The following RALGAPA1 variants were observed in gnomAD, a reference collection of about 807,000 sequenced individuals.
The protein encoded by RALGAPA1 is ral GTPase-activating protein subunit alpha-1.
Under a neutral mutation model 269.6 loss-of-function variants are expected in RALGAPA1, and 52 were observed. That is an observed-to-expected ratio of 0.19 (90% CI 0.15 to 0.24). The LOEUF (loss-of-function observed/expected upper bound fraction) is 0.24. Among genes scored for constraint, RALGAPA1 ranks in the 10% least tolerant of loss-of-function variants. RALGAPA1 has a pLI of 1.00. For synonymous variants in RALGAPA1, 817 were observed against 1,008.3 expected (o/e 0.81, Z 3.60); for missense variants, 1,917 against 3,013.9 (o/e 0.64, Z 8.52).
At position 35,742,403 on chromosome 14, in the gene RALGAPA1, C is replaced by T. The variant is rs2071642990; in HGVS notation, c.1414G>A (p.Asp472Asn). 1.2e-6 allele frequency: 2 copies of T among 1,602,458 alleles called. No homozygotes were observed. The highest frequency in any genetic ancestry group is 3.4e-5 in the Admixed American group (2 of 58,672). ...TTTTCTCCTTCTTCCATTGAAATATCATGGTCTGTGACATTTTCAATGCAA... is the reference window on the plus strand; with the variant it reads ...TTTTCTCCTTCTTCCATTGAAATATTATGGTCTGTGACATTTTCAATGCAA... ...LPCIENVTDHDISMEEGEKRE... is the reference protein window; with the variant it reads ...LPCIENVTDHNISMEEGEKRE... Residue 472 changes from aspartate to asparagine, a missense_variant, in exon 11 of 42, where the codon GAT becomes AAT. Around this residue, in one of 11 missense-constraint regions of RALGAPA1, gnomAD observed 462 missense variants for 725.6 expected, o/e 0.64. Coordinates refer to ENST00000680220, the MANE Select transcript of RALGAPA1 (RefSeq NM_001346249.2).
chr14:35,668,481 T>C (rs999967995), intron 26 of RALGAPA1, among the ~76,000 whole-genome samples: 1 of 146,406 alleles, frequency 6.8e-6, no homozygotes, highest in Non-Finnish European at 1.5e-5. Flanking sequence ...AGATTTTGTC[T>C]CAAAAAAAAA....
At chr14:35,661,793 T>C (rs2063553332) in intron 27 of RALGAPA1, among the ~76,000 whole-genome samples, 1 of 152,184 alleles carries the variant, frequency 6.6e-6, no homozygotes, top group South Asian at 2.1e-4. Context: ...CTATGTAATA[T>C]AGTCTGTCTT....
At chr14:35,547,962 AATTT>A (rs977056039) in intron 41 of RALGAPA1, among the ~76,000 whole-genome samples, 2 of 151,418 alleles carry the variant, frequency 1.3e-5, no homozygotes, top group African/African-American at 2.4e-5. Context: ...GTGCCTTTTG[AATTT>A]ATTTAATATA....
At chr14:35,674,916 T>C (rs534794116) in intron 22 of RALGAPA1, among the ~76,000 whole-genome samples, 2 of 152,312 alleles carry the variant, frequency 1.3e-5, no homozygotes, top group South Asian at 2.1e-4. Flanking sequence ...TTATGTTAAC[T>C]AGCTATTCAA....
intron 14 of RALGAPA1, among the ~76,000 whole-genome samples, chr14:35,724,290 A>G (rs1284624760): frequency 6.6e-6 from 1 of 152,198 alleles, no homozygotes; most frequent in Non-Finnish European, 1.5e-5. Context: ...AATTTTAGGT[A>G]AATGGCTAAT....
intron 18 of RALGAPA1, among the ~76,000 whole-genome samples, chr14:35,688,258 C>A (rs1567007155): frequency 6.6e-6 from 1 of 152,202 alleles, no homozygotes; most frequent in Non-Finnish European, 1.5e-5. Context: ...TAACTAAATG[C>A]CTTATAAGGG....
intron 41 of RALGAPA1, chr14:35,542,148 C>CA (rs2138989067): frequency 2.1e-6 from 1 of 468,496 alleles, no homozygotes; most frequent in African/African-American, 2.1e-5. Flanking sequence ...CCTAATCACT[C>CA]AGACATAAAA....
intron 39 of RALGAPA1, among the ~76,000 whole-genome samples, chr14:35,565,940 A>C (rs2056659453): frequency 6.6e-6 from 1 of 152,162 alleles, no homozygotes; most frequent in South Asian, 2.1e-4. Context: ...TTCCCACTGA[A>C]AAAACAGAAA....
intron 35 of RALGAPA1, 50 bp from the exon 36 acceptor site, chr14:35,605,759 C>T: frequency 6.3e-7 from 1 of 1,578,560 alleles, no homozygotes; most frequent in Non-Finnish European, 8.6e-7. Flanking sequence ...TTTATCTACT[C>T]ATTCATCCAA....
At chr14:35,544,416 G>A (rs560661338) in intron 41 of RALGAPA1, among the ~76,000 whole-genome samples, 1 of 152,286 alleles carries the variant, frequency 6.6e-6, no homozygotes, top group Admixed American at 6.5e-5. Context: ...TGAAATACTA[G>A]CTTGACAAAG....
At chr14:35,639,068 C>A (rs1462480309) in intron 31 of RALGAPA1, among the ~76,000 whole-genome samples, 2 of 151,982 alleles carry the variant, frequency 1.3e-5, no homozygotes, top group East Asian at 3.9e-4. Flanking sequence ...CACACTTTGC[C>A]TATAAAGACA....
chr14:35,593,294 A>G (rs969936404), intron 37 of RALGAPA1, among the ~76,000 whole-genome samples: 1 of 152,226 alleles, frequency 6.6e-6, no homozygotes, highest in Admixed American at 6.5e-5. Flanking sequence ...GAGGTGAAAG[A>G]TTTATACTCT....
intron 1 of RALGAPA1, among the ~76,000 whole-genome samples, chr14:35,779,164 A>G (rs1278070477): frequency 1.3e-5 from 2 of 152,216 alleles, no homozygotes; most frequent in Non-Finnish European, 2.9e-5. Context: ...AGCACATACA[A>G]CTGAAATAAA....
intron 28 of RALGAPA1, among the ~76,000 whole-genome samples, chr14:35,657,689 A>ATT (rs34883632): frequency 9.6e-5 from 14 of 145,264 alleles, no homozygotes; most frequent in East Asian, 7.9e-4. Flanking sequence ...ATATATATAT[A>ATT]TTTTTTTTTT....
At chr14:35,789,286 T>G (rs977052548) in intron 1 of RALGAPA1, among the ~76,000 whole-genome samples, 2 of 151,786 alleles carry the variant, frequency 1.3e-5, no homozygotes, top group Non-Finnish European at 2.9e-5. Context: ...GGATCTAGAA[T>G]GCACCCTCCT....
At chr14:35,781,621 C>T (rs766416512) in intron 1 of RALGAPA1, among the ~76,000 whole-genome samples, 1 of 152,130 alleles carries the variant, frequency 6.6e-6, no homozygotes, top group South Asian at 2.1e-4. Flanking sequence ...CACACACATA[C>T]ACACACACTC....
intron 22 of RALGAPA1, among the ~76,000 whole-genome samples, chr14:35,675,805 G>A (rs534734013): frequency 2.0e-5 from 3 of 152,156 alleles, no homozygotes; most frequent in East Asian, 3.9e-4. Context: ...AAGAACTTTG[G>A]GAACTAAAAA....
At chr14:35,656,430 A>G (rs1309338816) in intron 28 of RALGAPA1, among the ~76,000 whole-genome samples, 2 of 152,318 alleles carry the variant, frequency 1.3e-5, no homozygotes, top group Non-Finnish European at 2.9e-5. Context: ...AACTTGTAGA[A>G]TTTTTATCCT....
rs377078491 is a variant in RALGAPA1 at position 35,773,585 on chromosome 14, G to A, written c.267+1421C>T. 3.7e-4 allele frequency among the ~76,000 whole-genome samples: 57 copies of A among 152,088 alleles called. No individual in the cohort carries two copies. The South Asian group carries it at 9.0e-3, about 24-fold the overall frequency. ...TCAGTTTCCTGAATCTAAGGCAAGCGTAAACATTTGAAGGAATACTTTCCA... is the reference window on the plus strand; with the variant it reads ...TCAGTTTCCTGAATCTAAGGCAAGCATAAACATTTGAAGGAATACTTTCCA... On this transcript the variant is annotated intron_variant, in intron 3 of 41. Coordinates refer to ENST00000680220, the MANE Select transcript of RALGAPA1 (RefSeq NM_001346249.2).
Sources: allele counts gnomAD v4.1 joint callset (sites outside exome capture counted in the v4.1 genomes callset), GRCh38; gene constraint gnomAD v4.1.1; regional missense constraint gnomAD v4.1.1; transcripts MANE v1.5; gene names NCBI Gene and HGNC (gene_info 2026-07-23, HGNC 2026-07-21).